Variants in NRXN1 observed in about 807,000 individuals in gnomAD.
NRXN1 encodes neurexin-1.
NRXN1 carries 39 observed loss-of-function variants against 150.9 expected under a neutral mutation model. That is an observed-to-expected ratio of 0.26 (90% CI 0.20 to 0.34). The LOEUF (loss-of-function observed/expected upper bound fraction) is 0.34, where lower values mean the gene tolerates loss of function less well. Ranked by LOEUF, NRXN1 falls within the 10% of genes least tolerant of loss-of-function variation. The pLI is 1.00. For synonymous variants in NRXN1, 924 were observed against 757.0 expected, an observed-to-expected ratio of 1.22 and a Z score of -3.62; for missense variants, 1,815 against 1,949.9, an observed-to-expected ratio of 0.93 and a Z score of 1.30.
chr2:50,094,950 A>G (rs1388864728), intron 18 of NRXN1, among the ~76,000 whole-genome samples: 2 of 152,148 alleles, frequency 1.3e-5, no homozygotes, highest in Admixed American at 6.5e-5. Flanking sequence ...TAAGAACTTT[A>G]AGTATAGGCT....
At chr2:50,639,858 T>C (rs934816587) in intron 5 of NRXN1, among the ~76,000 whole-genome samples, 2 of 152,180 alleles carry the variant, frequency 1.3e-5, no homozygotes, top group African/African-American at 2.4e-5. Flanking sequence ...TTTTCATATG[T>C]ATTATTATAA....
intron 5 of NRXN1, among the ~76,000 whole-genome samples, chr2:50,724,729 A>T (rs1697112599): frequency 6.6e-6 from 1 of 152,170 alleles, no homozygotes; most frequent in Non-Finnish European, 1.5e-5. Flanking sequence ...ACTATTTTAA[A>T]ATTGAGGTAA....
chr2:50,492,318 T>A (rs2104872921), intron 15 of NRXN1, among the ~76,000 whole-genome samples: 1 of 152,228 alleles, frequency 6.6e-6, no homozygotes, highest in Admixed American at 6.5e-5. Context: ...CACAACCCCC[T>A]GAGAATCGAG....
intron 5 of NRXN1, among the ~76,000 whole-genome samples, chr2:50,841,550 A>T (rs57361520): frequency 0.12 from 17,720 of 152,198 alleles, 1,173 homozygotes; most frequent in African/African-American, 0.14. Context: ...CGTTATGTAA[A>T]TGACCTACGT....
chr2:50,278,845 ATAACT>A (rs1427616782), intron 17 of NRXN1, among the ~76,000 whole-genome samples: 2 of 152,146 alleles, frequency 1.3e-5, no homozygotes, highest in Non-Finnish European at 2.9e-5. Flanking sequence ...AAACTACAAA[ATAACT>A]TAATGATGTG....
At chr2:50,494,807 C>A (rs866124579) in intron 15 of NRXN1, among the ~76,000 whole-genome samples, 2 of 151,852 alleles carry the variant, frequency 1.3e-5, no homozygotes, top group Non-Finnish European at 2.9e-5. Flanking sequence ...CTGAGGCAGG[C>A]GGATCACCTG....
chr2:50,903,877 T>C (rs1245606390), intron 5 of NRXN1, among the ~76,000 whole-genome samples: 1 of 152,172 alleles, frequency 6.6e-6, no homozygotes, highest in Non-Finnish European at 1.5e-5. Context: ...TACAAGACAG[T>C]AAGATCTGAA....
At chr2:50,002,034 A>G (rs1205923809) in intron 21 of NRXN1, among the ~76,000 whole-genome samples, 1 of 151,872 alleles carries the variant, frequency 6.6e-6, no homozygotes, top group African/African-American at 2.4e-5. Context: ...AACCAGAAAG[A>G]ATTAAGTTTT....
chr2:50,102,155 C>A (rs1010733651), intron 18 of NRXN1, among the ~76,000 whole-genome samples: 2 of 151,938 alleles, frequency 1.3e-5, no homozygotes, highest in Non-Finnish European at 1.5e-5. Context: ...TGTGGCACAA[C>A]AGAGGAGAAT....
At chr2:50,577,484 T>C (rs1003052809) in intron 8 of NRXN1, among the ~76,000 whole-genome samples, 4 of 152,098 alleles carry the variant, frequency 2.6e-5, no homozygotes, top group African/African-American at 7.2e-5. Context: ...GTTCCTAAGA[T>C]CACATTATAT....
At chr2:50,868,260 G>A (rs1001290625) in intron 5 of NRXN1, among the ~76,000 whole-genome samples, 18 of 145,490 alleles carry the variant, frequency 1.2e-4, no homozygotes, top group African/African-American at 4.0e-4. Flanking sequence ...GAACATGGTT[G>A]GAACTGGAAG....
chr2:50,578,698 GTATGT>G (rs1379729831), intron 8 of NRXN1, among the ~76,000 whole-genome samples: 1 of 151,698 alleles, frequency 6.6e-6, no homozygotes, highest in East Asian at 1.9e-4. Flanking sequence ...TTTTAACAGT[GTATGT>G]TATAATAAAT....
intron 5 of NRXN1, among the ~76,000 whole-genome samples, chr2:50,669,236 G>A (rs1002107183): frequency 1.3e-5 from 2 of 151,962 alleles, no homozygotes. Context: ...CCTGGAACAT[G>A]GTGGAGCTCA....
At chr2:50,928,398 C>A (rs1687240222) in intron 2 of NRXN1, among the ~76,000 whole-genome samples, 1 of 151,894 alleles carries the variant, frequency 6.6e-6, no homozygotes, top group Admixed American at 6.6e-5. Context: ...ATTCTGGTAT[C>A]CATTTGCTAA....
intron 5 of NRXN1, among the ~76,000 whole-genome samples, chr2:50,652,737 T>G (rs977107178): frequency 6.6e-6 from 1 of 152,198 alleles, no homozygotes; most frequent in East Asian, 1.9e-4. Context: ...CTGAGTCATA[T>G]GATAAATCTA....
At chr2:50,224,696 AGAG>A (rs1559125103) in intron 18 of NRXN1, among the ~76,000 whole-genome samples, 1 of 49,110 alleles carries the variant, frequency 2.0e-5, no homozygotes, top group Non-Finnish European at 4.8e-5. Context: ...AGGGAGAAAG[AGAG>A]AGAGAGAGAG....
chr2:50,530,440 T>C (rs1454344614), intron 11 of NRXN1, among the ~76,000 whole-genome samples: 1 of 152,190 alleles, frequency 6.6e-6, no homozygotes, highest in African/African-American at 2.4e-5. Flanking sequence ...TTTTTGAGTA[T>C]AATTTATAAA....
At chr2:50,742,227 T>C (rs1467283603) in intron 5 of NRXN1, among the ~76,000 whole-genome samples, 3 of 151,856 alleles carry the variant, frequency 2.0e-5, no homozygotes, top group East Asian at 1.9e-4. Flanking sequence ...ACTTTGAGAA[T>C]TGCAATATTT....
At chr2:50,758,988 A>G (rs1195738382) in intron 5 of NRXN1, among the ~76,000 whole-genome samples, 2 of 151,906 alleles carry the variant, frequency 1.3e-5, no homozygotes, top group African/African-American at 4.8e-5. Context: ...TGTGCACAAG[A>G]GTTTGTATTA....
Sources: allele counts gnomAD v4.1 joint callset (sites outside exome capture counted in the v4.1 genomes callset), GRCh38; gene constraint gnomAD v4.1.1; transcripts MANE v1.5; gene names NCBI Gene and HGNC (gene_info 2026-07-23, HGNC 2026-07-21).